The following EZH2 variants were observed in gnomAD, a reference collection of about 807,000 sequenced individuals.
EZH2 encodes histone-lysine N-methyltransferase EZH2.
Under a neutral mutation model 98.4 loss-of-function variants are expected in EZH2, and 18 were observed. That is an observed-to-expected ratio of 0.18 (90% CI 0.13 to 0.27). The LOEUF (loss-of-function observed/expected upper bound fraction) is 0.27. EZH2 is among the 10% of genes least tolerant of loss of function. The pLI, the probability that EZH2 is intolerant of heterozygous loss-of-function variation, is 1.00. For synonymous variants in EZH2, 338 were observed against 312.3 expected (o/e 1.08, Z -0.87); for missense variants, 470 against 935.1 (o/e 0.50, Z 6.49).
intron 1 of EZH2, among the ~76,000 whole-genome samples, chr7:148,878,005 C>T (rs1820416815): frequency 6.6e-6 from 1 of 152,112 alleles, no homozygotes; most frequent in African/African-American, 2.4e-5. Context: ...CCCCTGTAGA[C>T]AGTTTTCTTC....
chr7:148,839,065 G>GAGAAGGAAGGAAGT (rs1180873968), intron 3 of EZH2, among the ~76,000 whole-genome samples: 2 of 130,358 alleles, frequency 1.5e-5, no homozygotes, highest in Admixed American at 7.4e-5. Flanking sequence ...AGGAAGGAAG[G>GAGAAGGAAGGAAGT]AAGGAAGGAA....
At chr7:148,851,936 C>T (rs566078338) in intron 1 of EZH2, among the ~76,000 whole-genome samples, 5 of 152,138 alleles carry the variant, frequency 3.3e-5, no homozygotes, top group Admixed American at 6.5e-5. Flanking sequence ...TTTATTTAAA[C>T]GACTTCTACT....
chr7:148,810,252 C>A (rs1802664793), intron 17 of EZH2, 81 bp downstream of exon 17: 1 of 1,034,570 alleles, frequency 9.7e-7, no homozygotes, highest in Non-Finnish European at 1.5e-6. Flanking sequence ...CTGACCTCTA[C>A]CCTCGTTTCT....
At chr7:148,879,111 G>A (rs1820583243) in intron 1 of EZH2, among the ~76,000 whole-genome samples, 1 of 150,410 alleles carries the variant, frequency 6.6e-6, no homozygotes, top group East Asian at 2.0e-4. Flanking sequence ...CGTAATCCCA[G>A]CTACTCGGGA....
At position 148,865,347 on chromosome 7, in the gene EZH2, T is replaced by C. The variant is rs535939057; in HGVS notation, c.-7-18042A>G. On this transcript the variant is annotated intron_variant, in intron 1 of 19. Transcript: ENST00000320356. ...CAACATCTAATTTAACTTACACAAA[T>C]CTAACATACATTGAGCAAAAATGTC... Among the ~76,000 whole-genome samples, 5 of 152,148 alleles carry C rather than the reference T, an allele frequency of 3.3e-5. No individual in the cohort carries two copies. In the South Asian group the frequency reaches 1.0e-3, roughly 32 times the overall value.
chr7:148,851,218 G>C (rs1388465000), intron 1 of EZH2, among the ~76,000 whole-genome samples: 1 of 152,078 alleles, frequency 6.6e-6, no homozygotes, highest in Non-Finnish European at 1.5e-5. Flanking sequence ...CTATTATCAA[G>C]AAACCCCCCG....
chr7:148,849,012 T>G (rs889521889), intron 1 of EZH2, among the ~76,000 whole-genome samples: 1 of 152,180 alleles, frequency 6.6e-6, no homozygotes, highest in Non-Finnish European at 1.5e-5. Flanking sequence ...CCTAATACAA[T>G]GTAAATGCCA....
chr7:148,813,030 T>C (rs186449033), intron 15 of EZH2, among the ~76,000 whole-genome samples: 2 of 149,666 alleles, frequency 1.3e-5, no homozygotes, highest in Admixed American at 6.7e-5. Flanking sequence ...ACAACAAAGA[T>C]ATGTCTACTC....
chr7:148,834,352 TACACACACACACACAC>T (rs10542159), intron 3 of EZH2, among the ~76,000 whole-genome samples: 1 of 143,320 alleles, frequency 7.0e-6, no homozygotes, highest in Admixed American at 6.9e-5. Flanking sequence ...TATATATATA[TACACACACACACACAC>T]ACACACACAC....
intron 6 of EZH2, 102 bp downstream of exon 6, chr7:148,828,638 A>G (rs1585020136): frequency 6.4e-6 from 9 of 1,398,298 alleles, no homozygotes; most frequent in Non-Finnish European, 7.7e-6. Flanking sequence ...TTTAACAAAG[A>G]AAGAAAAAGA....
intron 1 of EZH2, among the ~76,000 whole-genome samples, chr7:148,865,000 G>A (rs1014015691): frequency 6.6e-6 from 1 of 151,998 alleles, no homozygotes; most frequent in Non-Finnish European, 1.5e-5. Flanking sequence ...GGTGGCAGGT[G>A]CCTGTGATCT....
At chr7:148,880,583 T>C (rs991847412) in intron 1 of EZH2, among the ~76,000 whole-genome samples, 2 of 152,218 alleles carry the variant, frequency 1.3e-5, no homozygotes, top group African/African-American at 4.8e-5. Flanking sequence ...TGTTTAGTAC[T>C]ACAGATTATA....
intron 3 of EZH2, among the ~76,000 whole-genome samples, chr7:148,844,064 T>C (rs1012912599): frequency 6.6e-6 from 1 of 151,748 alleles, no homozygotes; most frequent in Admixed American, 6.5e-5. Flanking sequence ...TTGAATGCTA[T>C]AGACTTTACG....
At chr7:148,879,640 A>T (rs545934571) in intron 1 of EZH2, among the ~76,000 whole-genome samples, 1 of 152,196 alleles carries the variant, frequency 6.6e-6, no homozygotes, top group East Asian at 1.9e-4. Context: ...CAGTGAGCCA[A>T]GATGGTGCCA....
intron 1 of EZH2, among the ~76,000 whole-genome samples, chr7:148,866,603 T>TTATATATAATATATATGCATATATG (rs1458326838): frequency 1.1e-4 from 16 of 147,064 alleles, no homozygotes; most frequent in Non-Finnish European, 2.2e-4. Flanking sequence ...ACACTATATA[T>TTATATATAATATATATGCATATATG]TATATATAAT....
In EZH2 at chr7:148,846,446, C is replaced by T. The variant is rs532121998; in HGVS notation, c.246+24G>A. The T allele has an allele frequency of 1.1e-5, 17 of 1,600,726 alleles. No individual in the cohort carries two copies. In the South Asian group the frequency reaches 1.9e-4, roughly 18 times the overall value. The stretch of plus-strand genomic sequence containing the variant: ...ATAAACCAAAAGATGATGATAATTA[C>T]TACAACATGTTATGTTAACCAACCT... On this transcript the variant is annotated intron_variant, in intron 3 of 19. Coordinates refer to ENST00000320356, the MANE Select transcript of EZH2 (RefSeq NM_004456.5).
At chr7:148,843,621 C>T (rs113341654) in intron 3 of EZH2, among the ~76,000 whole-genome samples, 2 of 117,906 alleles carry the variant, frequency 1.7e-5, no homozygotes, top group South Asian at 3.0e-4. Flanking sequence ...TTTGAGACAG[C>T]GTCTCGCTCT....
At chr7:148,859,397 T>C (rs530297499) in intron 1 of EZH2, among the ~76,000 whole-genome samples, 135 of 152,034 alleles carry the variant, frequency 8.9e-4, no homozygotes, top group African/African-American at 3.2e-3. Flanking sequence ...TCCCGGCTAC[T>C]AAGGAGGCTG....
At position 148,843,583 on chromosome 7, in the gene EZH2, G is replaced by GTTT. The variant is rs1157236882; in HGVS notation, c.246+2884_246+2886dup. Among the ~76,000 whole-genome samples, 59 of 64,338 alleles carry GTTT rather than the reference G, an allele frequency of 9.2e-4. 4 individuals are homozygous for GTTT. The highest frequency in any genetic ancestry group is 1.5e-3 in the South Asian group (2 of 1,314). 42.2% of individuals were successfully genotyped at this position (64,338 alleles called of 152,430 possible). ...TCTACAACTACAAATGGGAGTATAA[G>GTTT]TTTTTTTTTTTTTTTTTTTTTTTTT... On this transcript the variant is annotated intron_variant, in intron 3 of 19. Transcript: ENST00000320356.
Sources: allele counts gnomAD v4.1 joint callset (sites outside exome capture counted in the v4.1 genomes callset), GRCh38; gene constraint gnomAD v4.1.1; transcripts MANE v1.5; gene names NCBI Gene and HGNC (gene_info 2026-07-23, HGNC 2026-07-21).